SGCZ: variants seen among roughly 807,000 people sequenced by gnomAD.
SGCZ encodes the protein sarcoglycan zeta.
SGCZ carries 40 observed loss-of-function variants against 41.3 expected under a neutral mutation model. The ratio of observed to expected loss-of-function variants is 0.97; its 90% CI spans 0.75 to 1.26. The LOEUF (loss-of-function observed/expected upper bound fraction) is 1.26, where lower values mean the gene tolerates loss of function less well. SGCZ is among the 50% of genes most tolerant of loss of function. The pLI is 0.00. For synonymous variants in SGCZ, 206 were observed against 137.5 expected (o/e 1.50, Z -3.49); for missense variants, 552 against 369.8 (o/e 1.49, Z -4.04).
intron 4 of SGCZ, among the ~76,000 whole-genome samples, chr8:14,166,393 C>G (rs939945907): frequency 6.6e-6 from 1 of 152,028 alleles, no homozygotes; most frequent in Non-Finnish European, 1.5e-5. Context: ...TTATTTTGTG[C>G]CATAGACGAC....
intron 3 of SGCZ, among the ~76,000 whole-genome samples, chr8:14,301,144 A>T (rs954511610): frequency 6.6e-6 from 1 of 151,786 alleles, no homozygotes; most frequent in Non-Finnish European, 1.5e-5. Flanking sequence ...TAGATGCCTC[A>T]TATGTGCTCG....
At chr8:14,530,529 C>T (rs1176778266) in intron 2 of SGCZ, among the ~76,000 whole-genome samples, 1 of 152,066 alleles carries the variant, frequency 6.6e-6, no homozygotes, top group Non-Finnish European at 1.5e-5. Flanking sequence ...TTAAATGTAT[C>T]ACATACAGGA....
chr8:14,886,664 A>G (rs1035115992), intron 1 of SGCZ, among the ~76,000 whole-genome samples: 2 of 152,194 alleles, frequency 1.3e-5, no homozygotes, highest in Admixed American at 6.5e-5. Flanking sequence ...AGATGAGATC[A>G]GACATATCCC....
intron 1 of SGCZ, among the ~76,000 whole-genome samples, chr8:14,565,946 A>C (rs1804346130): frequency 6.6e-6 from 1 of 152,154 alleles, no homozygotes; most frequent in South Asian, 2.1e-4. Flanking sequence ...GATTCATGTA[A>C]ATTATTTATA....
At chr8:14,919,326 A>G (rs958512906) in intron 1 of SGCZ, among the ~76,000 whole-genome samples, 3 of 152,050 alleles carry the variant, frequency 2.0e-5, no homozygotes, top group Non-Finnish European at 4.4e-5. Flanking sequence ...CTATAATCCC[A>G]GCTACTCAGG....
chr8:15,224,807 G>C (rs926636227), intron 1 of SGCZ, among the ~76,000 whole-genome samples: 11 of 152,112 alleles, frequency 7.2e-5, no homozygotes, highest in Non-Finnish European at 1.6e-4. Flanking sequence ...AGCTGATATA[G>C]CTATATTAAA....
chr8:14,184,964 C>G (rs1048784341), intron 4 of SGCZ, among the ~76,000 whole-genome samples: 1 of 152,136 alleles, frequency 6.6e-6, no homozygotes, highest in East Asian at 1.9e-4. Context: ...ATGTCTCTAT[C>G]GTCTAATATT....
chr8:14,370,890 A>C (rs1563285643), intron 2 of SGCZ, among the ~76,000 whole-genome samples: 1 of 152,012 alleles, frequency 6.6e-6, no homozygotes, highest in Non-Finnish European at 1.5e-5. Flanking sequence ...GTGTAATACA[A>C]ATGCAATAAG....
At chr8:15,197,857 C>G (rs924113157) in intron 1 of SGCZ, among the ~76,000 whole-genome samples, 1 of 151,266 alleles carries the variant, frequency 6.6e-6, no homozygotes, top group Non-Finnish European at 1.5e-5. Context: ...ACACACATAC[C>G]AATATATTTA....
At chr8:15,069,261 T>C (rs372320763) in intron 1 of SGCZ, among the ~76,000 whole-genome samples, 48 of 152,272 alleles carry the variant, frequency 3.2e-4, no homozygotes, top group Middle Eastern at 6.8e-3. Flanking sequence ...CTCAAACTCT[T>C]GGCCTCAAGT....
intron 4 of SGCZ, 41 bp downstream of exon 4, chr8:14,237,551 A>AC (rs763371839): frequency 1.3e-6 from 2 of 1,558,302 alleles, no homozygotes; most frequent in Admixed American, 3.7e-5. Context: ...AACAAAAAAA[A>AC]CCAAGCACAG....
intron 1 of SGCZ, among the ~76,000 whole-genome samples, chr8:15,109,871 T>C (rs1057478777): frequency 6.6e-6 from 1 of 152,152 alleles, no homozygotes; most frequent in Admixed American, 6.6e-5. Flanking sequence ...AAAAAAGCAA[T>C]AAGGCAATCT....
chr8:14,485,770 C>A (rs948988670), intron 2 of SGCZ, among the ~76,000 whole-genome samples: 14 of 151,902 alleles, frequency 9.2e-5, no homozygotes, highest in Non-Finnish European at 1.9e-4. Flanking sequence ...CAGCACTTTC[C>A]TTTCTATGAC....
At chr8:14,393,880 G>C (rs1388894598) in intron 2 of SGCZ, among the ~76,000 whole-genome samples, 1 of 152,074 alleles carries the variant, frequency 6.6e-6, no homozygotes, top group Non-Finnish European at 1.5e-5. Context: ...GCAGCATCTT[G>C]GGAGAGAATT....
chr8:14,661,674 C>T (rs1480064633), intron 1 of SGCZ, among the ~76,000 whole-genome samples: 2 of 152,006 alleles, frequency 1.3e-5, no homozygotes, highest in African/African-American at 2.4e-5. Flanking sequence ...AATCACAACC[C>T]AGGTATTTCA....
intron 5 of SGCZ, among the ~76,000 whole-genome samples, chr8:14,121,978 A>G (rs1308328396): frequency 1.3e-5 from 2 of 152,258 alleles, no homozygotes; most frequent in East Asian, 1.9e-4. Context: ...GTCTGAGGTC[A>G]GTTAGAAGAC....
chr8:15,090,750 T>A (rs573165852), intron 1 of SGCZ, among the ~76,000 whole-genome samples: 7 of 152,262 alleles, frequency 4.6e-5, no homozygotes, highest in African/African-American at 1.4e-4. Context: ...AACACCTAGT[T>A]TGGGACTAAT....
intron 2 of SGCZ, among the ~76,000 whole-genome samples, chr8:14,470,325 T>C (rs924185575): frequency 6.6e-6 from 1 of 152,170 alleles, no homozygotes; most frequent in African/African-American, 2.4e-5. Context: ...TAATCTCCAG[T>C]GCCTGGTCAA....
At chr8:14,644,849 T>C (rs1238741901) in intron 1 of SGCZ, among the ~76,000 whole-genome samples, 1 of 151,576 alleles carries the variant, frequency 6.6e-6, no homozygotes, top group African/African-American at 2.4e-5. Context: ...GGGAAATTAG[T>C]CAAACATTTT....
Sources: gnomAD v4.1 joint callset for allele counts (sites outside exome capture counted in the v4.1 genomes callset) on GRCh38, gnomAD v4.1.1 for gene constraint, MANE v1.5 for transcripts, NCBI Gene and HGNC (gene_info 2026-07-23, HGNC 2026-07-21) for gene names.